COL4A6: variants seen among roughly 807,000 people sequenced by gnomAD.
COL4A6 encodes collagen type IV alpha 6 chain, also known as collagen alpha-6(IV) chain.
A neutral mutation model predicts 126.7 loss-of-function variants in COL4A6; 59 were observed. The ratio of observed to expected loss-of-function variants is 0.47; its 90% CI spans 0.38 to 0.58. COL4A6 has a LOEUF of 0.58. COL4A6 is among the 20% of genes least tolerant of loss of function. COL4A6 has a pLI of 0.00. For missense variants in COL4A6, 1,285 were observed against 1,337.3 expected, an observed-to-expected ratio of 0.96 and a Z score of 0.61; for synonymous variants, 547 against 496.6, an observed-to-expected ratio of 1.10 and a Z score of -1.35.
intron 3 of COL4A6, among the ~76,000 whole-genome samples, chrX:108,291,487 G>C (rs2038160426): frequency 9.0e-6 from 1 of 111,294 alleles, no homozygotes; most frequent in African/African-American, 3.3e-5. Context: ...TCCACTGTAA[G>C]GGATATACCA....
chrX:108,291,636 C>A (rs2038165370), intron 3 of COL4A6, among the ~76,000 whole-genome samples: 1 of 110,785 alleles, frequency 9.0e-6, no homozygotes, highest in African/African-American at 3.3e-5. Flanking sequence ...CAATTAAATT[C>A]ATAAGAGTAG....
rs1212781525 is a variant in COL4A6 at position 108,425,011 on chromosome X, CA to C, written c.63+12930del. Among the ~76,000 whole-genome samples the C allele has an allele frequency of 3.6e-5, 4 of 109,946 alleles. No homozygotes were observed. In the East Asian group the frequency reaches 1.1e-3, roughly 31 times the overall value. ...TGGGTGACAGAGTGAGACCCTGTCTCAAAAAACCCATAAGTAAAATAAATAA... is the reference window on the plus strand; with the variant it reads ...TGGGTGACAGAGTGAGACCCTGTCTCAAAAACCCATAAGTAAAATAAATAA... On this transcript the variant is annotated intron_variant, in intron 2 of 44. Coordinates refer to ENST00000334504, the MANE Select transcript of COL4A6 (RefSeq NM_033641.4).
chrX:108,269,046 T>C (rs767529451), intron 3 of COL4A6: 2 of 328,463 alleles, frequency 6.1e-6, no homozygotes, highest in East Asian at 1.9e-4. Flanking sequence ...CTCAGCCTCC[T>C]TGCTGTGGCT....
chrX:108,222,583 T>A (rs1265446670), intron 3 of COL4A6, among the ~76,000 whole-genome samples: 1 of 111,590 alleles, frequency 9.0e-6, no homozygotes, highest in Non-Finnish European at 1.9e-5. Flanking sequence ...TAATTTTGAG[T>A]GTCAATCAGG....
chrX:108,204,544 T>C (rs1469875009), intron 11 of COL4A6, 132 bp from the exon 12 acceptor site: 5 of 590,920 alleles, frequency 8.5e-6, no homozygotes, highest in Middle Eastern at 3.0e-4. Flanking sequence ...CTCATGCCAA[T>C]GAGGAAACAA....
intron 2 of COL4A6, among the ~76,000 whole-genome samples, chrX:108,356,957 C>A (rs2039975719): frequency 9.0e-6 from 1 of 110,513 alleles, no homozygotes; most frequent in Non-Finnish European, 1.9e-5. Context: ...CCTCATGATA[C>A]AACAACAAAG....
intron 3 of COL4A6, among the ~76,000 whole-genome samples, chrX:108,272,911 A>C (rs2147769593): frequency 9.1e-6 from 1 of 109,884 alleles, no homozygotes; most frequent in Non-Finnish European, 1.9e-5. Flanking sequence ...TATTTTATAT[A>C]TATTTTTTAC....
At chrX:108,245,412 G>C (rs1281281137) in intron 3 of COL4A6, among the ~76,000 whole-genome samples, 1 of 111,704 alleles carries the variant, frequency 9.0e-6, no homozygotes, top group African/African-American at 3.3e-5. Flanking sequence ...AGTAGGTAAG[G>C]CTGAAAAGCT....
At chrX:108,345,160 C>T (rs1031180356) in intron 2 of COL4A6, among the ~76,000 whole-genome samples, 1 of 111,584 alleles carries the variant, frequency 9.0e-6, no homozygotes, top group Non-Finnish European at 1.9e-5. Context: ...GTTTTTAATC[C>T]ATACTAACTA....
chrX:108,227,205 T>A (rs886722786), intron 3 of COL4A6, among the ~76,000 whole-genome samples: 8 of 112,373 alleles, frequency 7.1e-5, no homozygotes, highest in Non-Finnish European at 1.5e-4. Context: ...CTCAGCACTA[T>A]GCCTGGTACA....
chrX:108,203,618 C>T (rs112838374), intron 12 of COL4A6, among the ~76,000 whole-genome samples: 34,602 of 111,634 alleles, frequency 0.31, 5,146 homozygotes, highest in Non-Finnish European at 0.45. Context: ...GCCCCTTGGC[C>T]ATGGGAACTG....
At chrX:108,360,696 C>T (rs2040066388) in intron 2 of COL4A6, among the ~76,000 whole-genome samples, 2 of 109,830 alleles carry the variant, frequency 1.8e-5, no homozygotes. Flanking sequence ...GCCACCATGC[C>T]CAGCTTTTTT....
chrX:108,396,850 A>G lies in COL4A6; in HGVS notation c.63+41092T>C, dbSNP rs757769797. ...GATTTCTATGTCTCTTTCAAGGCCT[A>G]GCTCAAAGTTTCACCTGACCCAGGA... On this transcript the variant is annotated intron_variant, in intron 2 of 44. Transcript: ENST00000334504. Among the ~76,000 whole-genome samples, 3 of 111,788 alleles carry G rather than the reference A, an allele frequency of 2.7e-5. No homozygotes were observed. The South Asian group carries it at 1.1e-3, about 42-fold the overall frequency.
chrX:108,411,833 C>G (rs1369012408), intron 2 of COL4A6, among the ~76,000 whole-genome samples: 1 of 111,320 alleles, frequency 9.0e-6, no homozygotes, highest in African/African-American at 3.3e-5. Flanking sequence ...GGAGGCATTT[C>G]AAGTGCATCT....
At chrX:108,412,104 T>C (rs997404630) in intron 2 of COL4A6, among the ~76,000 whole-genome samples, 6 of 111,230 alleles carry the variant, frequency 5.4e-5, no homozygotes, top group African/African-American at 1.3e-4. Flanking sequence ...AGGAATAACA[T>C]TGTGTTTGTT....
chrX:108,205,346 C>A, intron 11 of COL4A6, 93 bp downstream of exon 11: 1 of 767,425 alleles, frequency 1.3e-6, no homozygotes, highest in Non-Finnish European at 2.0e-6. Context: ...GGCGAAAAAA[C>A]AAATCCTCTT....
chrX:108,241,379 T>C, intron 3 of COL4A6, among the ~76,000 whole-genome samples: 1 of 109,282 alleles, frequency 9.2e-6, no homozygotes, highest in Non-Finnish European at 1.9e-5. Context: ...AGTTGGAAAG[T>C]GGTAGAAATA....
In COL4A6 at chrX:108,170,928, A is replaced by G. The variant is rs1167203044; in HGVS notation, c.3278-11T>C. On this transcript the variant is annotated splice_polypyrimidine_tract_variant and intron_variant, in intron 33 of 44. Transcript: ENST00000334504. The stretch of plus-strand genomic sequence containing the variant: ...CTCTTCCTTTTGTGCCTATAAAACC[A>G]AGAAAAATGCTGAGTGATTAGGCCA... 1 of 1,177,195 alleles carries G rather than the reference A, an allele frequency of 8.5e-7. No homozygotes were observed. Among genetic ancestry groups the G allele is most frequent in the Non-Finnish European group, 1.2e-6 (1 of 863,861 alleles).
At chrX:108,321,836 G>T (rs1314631890) in intron 2 of COL4A6, among the ~76,000 whole-genome samples, 1 of 111,125 alleles carries the variant, frequency 9.0e-6, no homozygotes, top group Non-Finnish European at 1.9e-5. Context: ...CATCTGTTAT[G>T]TGCCTAATTA....
Sources: gnomAD v4.1 joint callset for allele counts (sites outside exome capture counted in the v4.1 genomes callset) on GRCh38, gnomAD v4.1.1 for gene constraint, MANE v1.5 for transcripts, NCBI Gene and HGNC (gene_info 2026-07-23, HGNC 2026-07-21) for gene names.